The following TANGO6 variants were observed in gnomAD, a reference collection of about 807,000 sequenced individuals.
The protein encoded by TANGO6 is transport and Golgi organization protein 6 homolog.
In TANGO6, 90 loss-of-function variants were observed where a neutral mutation model predicts 114.2. That is an observed-to-expected ratio of 0.79 (90% CI 0.66 to 0.94). The LOEUF (loss-of-function observed/expected upper bound fraction) is 0.94. Ranked by LOEUF, TANGO6 falls within the 40% of genes least tolerant of loss-of-function variation. The probability of loss-of-function intolerance (pLI) is 0.00; values close to 1 mark genes in which losing one functional copy is unlikely to be tolerated. For missense variants in TANGO6, 1,274 were observed against 1,315.3 expected (o/e 0.97, Z 0.49); for synonymous variants, 477 against 509.8 (o/e 0.94, Z 0.87).
chr16:68,937,871 A>G (rs1469961032), intron 14 of TANGO6: 5 of 152,198 alleles, frequency 3.3e-5, no homozygotes, highest in African/African-American at 1.2e-4. Context: ...AGACTTGGCT[A>G]TTATGAATAG....
intron 15 of TANGO6, among the ~76,000 whole-genome samples, chr16:69,012,573 A>G (rs2152224613): frequency 6.9e-6 from 1 of 144,174 alleles, no homozygotes; most frequent in South Asian, 2.2e-4. Context: ...AAAAAAAAAA[A>G]AAAAAGGAAA....
chr16:68,869,350 C>T (rs969950937), intron 4 of TANGO6, among the ~76,000 whole-genome samples: 2 of 152,138 alleles, frequency 1.3e-5, no homozygotes, highest in African/African-American at 2.4e-5. Flanking sequence ...TGGTGGTGCG[C>T]ACCTATGGTT....
chr16:68,880,905 C>A (rs1425820202), intron 7 of TANGO6, among the ~76,000 whole-genome samples: 1 of 152,056 alleles, frequency 6.6e-6, no homozygotes, highest in African/African-American at 2.4e-5. Context: ...CTGGTTTTCA[C>A]TTTGAAAACC....
intron 15 of TANGO6, among the ~76,000 whole-genome samples, chr16:68,997,896 A>G (rs902022059): frequency 2.6e-5 from 4 of 152,190 alleles, no homozygotes; most frequent in African/African-American, 7.2e-5. Context: ...AACAGGGGCA[A>G]TGATATTCTT....
intron 14 of TANGO6, among the ~76,000 whole-genome samples, chr16:68,939,074 A>C (rs1466990630): frequency 6.9e-6 from 1 of 145,942 alleles, no homozygotes; most frequent in African/African-American, 2.5e-5. Context: ...CCTGTCCCCA[A>C]AAAAAAAAAA....
At chr16:68,883,762 T>A (rs58791696) in intron 7 of TANGO6, among the ~76,000 whole-genome samples, 20,547 of 152,224 alleles carry the variant, frequency 0.13, 1,596 homozygotes, top group African/African-American at 0.22. Context: ...CGCACCATTT[T>A]ACATTCCCAT....
chr16:68,949,111 G>T (rs1373948836), intron 14 of TANGO6, among the ~76,000 whole-genome samples: 2 of 151,986 alleles, frequency 1.3e-5, no homozygotes, highest in African/African-American at 4.8e-5. Flanking sequence ...GCTTGAACCT[G>T]GGAGGGGCAG....
At chr16:68,862,861 ATC>A in intron 2 of TANGO6, 82 bp from the exon 3 acceptor site, 1 of 877,974 alleles carries the variant, frequency 1.1e-6, no homozygotes, top group Non-Finnish European at 1.9e-6. Flanking sequence ...TCTCACAAGT[ATC>A]TCTGTACAGT....
chr16:68,874,464 C>T lies in TANGO6; in HGVS notation c.995-690C>T, dbSNP rs142460582. ...TGTCCAATTTTATAATTGCTTAAGA[C>T]GGTAAAGTAATTCTGGTCCCTGTCA... On this transcript the variant is annotated intron_variant, in intron 4 of 17. Transcript: ENST00000261778. Among the ~76,000 whole-genome samples, 754 of 152,184 alleles carry T rather than the reference C, an allele frequency of 5.0e-3. 7 individuals carry two copies. Among genetic ancestry groups the T allele is most frequent in the Non-Finnish European group, 4.6e-3 (310 of 68,030 alleles).
At chr16:68,969,602 T>A (rs771177689) in intron 14 of TANGO6, among the ~76,000 whole-genome samples, 1 of 151,736 alleles carries the variant, frequency 6.6e-6, no homozygotes, top group African/African-American at 2.4e-5. Context: ...GCAAGGAAAC[T>A]GGGCTTTGCT....
At chr16:68,974,750 C>T (rs1377061108) in intron 15 of TANGO6, among the ~76,000 whole-genome samples, 1 of 152,026 alleles carries the variant, frequency 6.6e-6, no homozygotes, top group African/African-American at 2.4e-5. Context: ...AATTAGAAGT[C>T]TCACACTTGA....
chr16:68,943,395 G>T (rs1237300830), intron 14 of TANGO6, among the ~76,000 whole-genome samples: 5 of 135,892 alleles, frequency 3.7e-5, no homozygotes, highest in African/African-American at 8.3e-5. Flanking sequence ...ACAGAGTCTC[G>T]CTCTGTCACC....
chr16:68,852,138 C>G (rs543124917), intron 1 of TANGO6, among the ~76,000 whole-genome samples: 84 of 152,122 alleles, frequency 5.5e-4, no homozygotes, highest in Admixed American at 1.1e-3. Flanking sequence ...AGGCTTTGTT[C>G]CAGGCAAAGA....
At chr16:68,874,945 G>A (rs754444493) in intron 4 of TANGO6, among the ~76,000 whole-genome samples, 6 of 151,476 alleles carry the variant, frequency 4.0e-5, no homozygotes, top group Non-Finnish European at 5.9e-5. Flanking sequence ...ACAAGACTCC[G>A]TCTCAAAAAA....
At chr16:69,045,334 C>T (rs1241568696) in intron 17 of TANGO6, among the ~76,000 whole-genome samples, 1 of 147,124 alleles carries the variant, frequency 6.8e-6, no homozygotes, top group Non-Finnish European at 1.5e-5. Context: ...GTCCTAGCTA[C>T]TCGGGAGGCT....
intron 12 of TANGO6, among the ~76,000 whole-genome samples, chr16:68,921,058 G>T (rs1963084741): frequency 6.9e-6 from 1 of 145,010 alleles, no homozygotes; most frequent in Non-Finnish European, 1.5e-5. Flanking sequence ...GGCGGAGGTT[G>T]CAGTGAGCCG....
intron 16 of TANGO6, among the ~76,000 whole-genome samples, chr16:69,037,241 C>T (rs182847756): frequency 6.6e-5 from 10 of 152,106 alleles, no homozygotes; most frequent in Admixed American, 2.6e-4. Context: ...CACAAATGCC[C>T]AACTGTGAGA....
chr16:68,946,213 A>G (rs912116915), intron 14 of TANGO6, among the ~76,000 whole-genome samples: 22 of 148,000 alleles, frequency 1.5e-4, no homozygotes, highest in Non-Finnish European at 2.8e-4. Flanking sequence ...TTTTTTTGAC[A>G]CTGAGTCTTG....
intron 11 of TANGO6, among the ~76,000 whole-genome samples, chr16:68,911,579 G>T (rs1039521192): frequency 6.6e-6 from 1 of 152,026 alleles, no homozygotes; most frequent in African/African-American, 2.4e-5. Context: ...ACCACGCCTG[G>T]CTAATTTTTC....
Sources: gnomAD v4.1 joint callset for allele counts (sites outside exome capture counted in the v4.1 genomes callset) on GRCh38, gnomAD v4.1.1 for gene constraint, MANE v1.5 for transcripts, NCBI Gene and HGNC (gene_info 2026-07-23, HGNC 2026-07-21) for gene names.